Variants in DIP2B observed in about 807,000 individuals in gnomAD.
The protein encoded by DIP2B is DIP2 acetate--CoA ligase B (putative).
Under a neutral mutation model 198.0 loss-of-function variants are expected in DIP2B, and 76 were observed. That is an observed-to-expected ratio of 0.38 (90% confidence interval 0.32 to 0.46). DIP2B has a LOEUF of 0.46. Ranked by LOEUF, DIP2B falls within the 20% of genes least tolerant of loss-of-function variation. DIP2B has a pLI of 0.99. For missense variants in DIP2B, 1,559 were observed against 1,978.4 expected (o/e 0.79, Z 4.02); for synonymous variants, 701 against 739.1 (o/e 0.95, Z 0.84).
At chr12:50,660,999 G>T (rs1204826950) in intron 4 of DIP2B, among the ~76,000 whole-genome samples, 1 of 152,066 alleles carries the variant, frequency 6.6e-6, no homozygotes, top group Admixed American at 6.5e-5. Flanking sequence ...AATTTAAAGA[G>T]TTATAACTTC....
At chr12:50,574,514 C>T (rs1406725957) in intron 1 of DIP2B, among the ~76,000 whole-genome samples, 1 of 152,242 alleles carries the variant, frequency 6.6e-6, no homozygotes, top group Admixed American at 6.5e-5. Flanking sequence ...AGACCCTCCA[C>T]TCAACGCAGC....
At chr12:50,522,712 A>G (rs1958131663) in intron 1 of DIP2B, among the ~76,000 whole-genome samples, 1 of 152,188 alleles carries the variant, frequency 6.6e-6, no homozygotes, top group South Asian at 2.1e-4. Flanking sequence ...TATACATAGT[A>G]TATATTGAGA....
chr12:50,657,568 G>A (rs7298665), intron 3 of DIP2B, among the ~76,000 whole-genome samples: 48,719 of 151,496 alleles, frequency 0.32, 8,026 homozygotes, highest in South Asian at 0.39. Context: ...GAAGCAGGAG[G>A]ATTCCTTGAG....
At chr12:50,554,540 GAAT>G in intron 1 of DIP2B, among the ~76,000 whole-genome samples, 1 of 152,178 alleles carries the variant, frequency 6.6e-6, no homozygotes, top group Admixed American at 6.5e-5. Context: ...GTTTCACCTT[GAAT>G]AGGTTGTTCC....
chr12:50,609,132 C>G (rs1379130666), intron 1 of DIP2B, among the ~76,000 whole-genome samples: 1 of 150,100 alleles, frequency 6.7e-6, no homozygotes, highest in Non-Finnish European at 1.5e-5. Context: ...CACTCCGTCT[C>G]AAAAAAAATA....
intron 23 of DIP2B, among the ~76,000 whole-genome samples, chr12:50,717,277 C>G (rs1378655877): frequency 1.4e-5 from 2 of 145,148 alleles, no homozygotes; most frequent in African/African-American, 5.1e-5. Context: ...GTTTTTTGTT[C>G]GTTTGTTTTT....
Position 50,748,567 on chromosome 12 carries a change from C to T in DIP2B, c.*3728C>T, listed in dbSNP as rs147880777. The T allele has an allele frequency of 9.1e-4, 139 of 152,694 alleles. 2 individuals carry two copies. The highest frequency in any genetic ancestry group is 2.7e-3 in the African/African-American group (114 of 41,538). The allele number at this position is 152,694 out of a possible 1,614,324, so 9.5% of individuals were successfully genotyped here. ...TTTATTTGAAGTTAGACTAGATATACGTTTTTAAATTTAACATCTGGCTGG... is the reference window on the plus strand; with the variant it reads ...TTTATTTGAAGTTAGACTAGATATATGTTTTTAAATTTAACATCTGGCTGG... On this transcript the variant is annotated 3_prime_UTR_variant, in exon 38 of 38. Transcript: ENST00000301180.
intron 3 of DIP2B, among the ~76,000 whole-genome samples, chr12:50,658,102 GA>G (rs1245426363): frequency 6.7e-6 from 1 of 148,950 alleles, no homozygotes; most frequent in African/African-American, 2.5e-5. Flanking sequence ...AAAAAAAAAA[GA>G]AAGAAAAAAA....
intron 1 of DIP2B, among the ~76,000 whole-genome samples, chr12:50,510,499 G>T (rs923408667): frequency 2.6e-5 from 4 of 152,136 alleles, no homozygotes; most frequent in African/African-American, 9.7e-5. Flanking sequence ...TGGCTAAAAA[G>T]GGCCTTCATA....
At chr12:50,690,751 A>G (rs1939209925) in intron 12 of DIP2B, among the ~76,000 whole-genome samples, 1 of 152,136 alleles carries the variant, frequency 6.6e-6, no homozygotes, top group African/African-American at 2.4e-5. Flanking sequence ...TTGTGTTTCT[A>G]TTCATATAGC....
intron 16 of DIP2B, 97 bp from the exon 17 acceptor site, chr12:50,696,964 T>G (rs1163495706): frequency 8.9e-4 from 771 of 865,890 alleles, no homozygotes; most frequent in Non-Finnish European, 1.2e-3. Context: ...TGAGTTCTCA[T>G]GAGAAATAAG....
Position 50,708,552 on chromosome 12 carries a change from G to A in DIP2B, c.2639G>A (p.Arg880His), listed in dbSNP as rs747659360. 48 of 1,589,966 alleles carry A rather than the reference G, an allele frequency of 3.0e-5. No individual in the cohort carries two copies. Among genetic ancestry groups the A allele is most frequent in the African/African-American group, 4.0e-5 (3 of 74,624 alleles). ...GAAGATAGTTTCCAGTGGATGAGCC[G>A]CGTGCTGCAGGTGAGCACACTTTGG... is the stretch of plus-strand genomic sequence containing the variant. ...SEEDSFQWMS[R>H]VLQAIDSIHQ... Residue 880 changes from arginine (R) to histidine (H), a missense_variant, in exon 22 of 38, where the codon CGC (arginine) becomes CAC (histidine). Physicochemically the swap from Arg to His is conservative, Grantham distance 29. Coordinates refer to ENST00000301180, the MANE Select transcript of DIP2B (RefSeq NM_173602.3).
intron 1 of DIP2B, among the ~76,000 whole-genome samples, chr12:50,601,341 G>T (rs531132922): frequency 0.041 from 6,135 of 148,896 alleles, 419 homozygotes; most frequent in African/African-American, 0.15. Flanking sequence ...ATATTTTTTT[G>T]TTTGTTTGTT....
intron 1 of DIP2B, among the ~76,000 whole-genome samples, chr12:50,567,398 C>T (rs762192257): frequency 1.3e-5 from 2 of 152,170 alleles, no homozygotes; most frequent in African/African-American, 2.4e-5. Flanking sequence ...GTAACTACTG[C>T]CACAAACTAC....
intron 14 of DIP2B, among the ~76,000 whole-genome samples, chr12:50,693,536 T>C (rs1457196663): frequency 5.3e-5 from 8 of 152,222 alleles, no homozygotes; most frequent in Non-Finnish European, 1.5e-5. Context: ...AGTCTCACTT[T>C]CTTGATAATG....
rs931938632 is a variant in DIP2B at position 50,537,526 on chromosome 12, A to T, written c.100+32286A>T. The stretch of plus-strand genomic sequence containing the variant: ...TTTGGACATGTTGGAGTCTATGACA[A>T]TGTGGGAAGACCATCCCAGTCAACA... On this transcript the variant is annotated intron_variant, in intron 1 of 37. Coordinates refer to ENST00000301180, the MANE Select transcript of DIP2B (RefSeq NM_173602.3). Among the ~76,000 whole-genome samples the T allele has an allele frequency of 2.0e-5, 3 of 152,084 alleles. No individual in the cohort carries two copies. The South Asian group carries it at 6.2e-4, about 32-fold the overall frequency.
At chr12:50,586,573 AAAC>A (rs1958772277) in intron 1 of DIP2B, among the ~76,000 whole-genome samples, 1 of 152,224 alleles carries the variant, frequency 6.6e-6, no homozygotes, top group South Asian at 2.1e-4. Context: ...TAAAACAAAC[AAAC>A]AACATTTTTT....
intron 1 of DIP2B, among the ~76,000 whole-genome samples, chr12:50,586,817 C>A (rs1958775319): frequency 6.6e-6 from 1 of 152,226 alleles, no homozygotes. Flanking sequence ...AAGTGATCCA[C>A]CCGCCTTGGC....
At chr12:50,507,033 A>G (rs1957974356) in intron 1 of DIP2B, among the ~76,000 whole-genome samples, 1 of 152,172 alleles carries the variant, frequency 6.6e-6, no homozygotes, top group South Asian at 2.1e-4. Flanking sequence ...CATCTCTAGA[A>G]TGTCTAGAAA....
Sources: gnomAD v4.1 joint callset for allele counts (sites outside exome capture counted in the v4.1 genomes callset) on GRCh38, gnomAD v4.1.1 for gene constraint, MANE v1.5 for transcripts, NCBI Gene and HGNC (gene_info 2026-07-23, HGNC 2026-07-21) for gene names.